Variants in MTDH observed in about 807,000 individuals in gnomAD.
MTDH encodes metadherin.
MTDH carries 34 observed loss-of-function variants against 72.7 expected under a neutral mutation model. The ratio of observed to expected loss-of-function variants is 0.47; its 90% CI spans 0.36 to 0.62. The LOEUF is 0.62. Among genes scored for constraint, MTDH ranks in the 20% least tolerant of loss-of-function variants. MTDH has a pLI of 0.00. For missense variants in MTDH, 677 were observed against 699.4 expected (o/e 0.97, Z 0.36); for synonymous variants, 266 against 268.9 (o/e 0.99, Z 0.10).
At chr8:97,696,258 C>CT (rs1362200165) in intron 6 of MTDH, 2 of 985,234 alleles carry the variant, frequency 2.0e-6, no homozygotes, top group African/African-American at 1.7e-5. Flanking sequence ...AATTCTGCTT[C>CT]TTTTGCATCT....
chr8:97,645,761 G>C (rs917793991), intron 1 of MTDH, among the ~76,000 whole-genome samples: 1 of 152,126 alleles, frequency 6.6e-6, no homozygotes, highest in Admixed American at 6.5e-5. Flanking sequence ...CATTCCCATG[G>C]TTCTCCCATT....
chr8:97,686,154 A>G (rs530973755), intron 2 of MTDH, among the ~76,000 whole-genome samples: 2 of 152,348 alleles, frequency 1.3e-5, no homozygotes, highest in East Asian at 1.9e-4. Context: ...GCTTTATGCA[A>G]TCCAAAAACT....
chr8:97,685,950 A>T (rs1361928243), intron 2 of MTDH, among the ~76,000 whole-genome samples: 1 of 152,192 alleles, frequency 6.6e-6, no homozygotes, highest in Non-Finnish European at 1.5e-5. Flanking sequence ...GAATAATATT[A>T]GGAGAAGGGA....
chr8:97,684,993 G>C (rs62521694), intron 2 of MTDH, among the ~76,000 whole-genome samples: 30,433 of 152,162 alleles, frequency 0.2, 3,319 homozygotes, highest in East Asian at 0.33. Flanking sequence ...TTGAACCTGG[G>C]AGGCAGAGGT....
chr8:97,667,850 A>G (rs1388878314), intron 2 of MTDH, among the ~76,000 whole-genome samples: 2 of 150,704 alleles, frequency 1.3e-5, no homozygotes, highest in African/African-American at 2.4e-5. Context: ...AAAAAAAAAA[A>G]GGAAGAAATT....
chr8:97,706,954 G>T (rs1252513078), intron 8 of MTDH, among the ~76,000 whole-genome samples: 2 of 151,984 alleles, frequency 1.3e-5, no homozygotes, highest in Non-Finnish European at 2.9e-5. Context: ...GAGAATTCTG[G>T]GTCACAGAGG....
Position 97,659,973 on chromosome 8 carries a change from A to G in MTDH, c.382-1099A>G, listed in dbSNP as rs1327542670. Among the ~76,000 whole-genome samples, 11 of 152,340 alleles carry G rather than the reference A, an allele frequency of 7.2e-5. No individual in the cohort carries two copies. The East Asian group carries it at 1.7e-3, about 24-fold the overall frequency. On this transcript the variant is annotated intron_variant, in intron 1 of 11. Transcript: ENST00000336273. ...CAGGAGTTCAAGACCAGCCAGACCAACATGGTGAAACCCTGTCTCTACTAA... is the reference window on the plus strand; with the variant it reads ...CAGGAGTTCAAGACCAGCCAGACCAGCATGGTGAAACCCTGTCTCTACTAA...
chr8:97,711,560 G>T (rs1051228916), intron 8 of MTDH, among the ~76,000 whole-genome samples: 1 of 151,954 alleles, frequency 6.6e-6, no homozygotes, highest in African/African-American at 2.4e-5. Context: ...GTTTTCCCCA[G>T]TGGTAACATG....
chr8:97,658,687 G>A (rs149149079), intron 1 of MTDH, among the ~76,000 whole-genome samples: 5 of 152,174 alleles, frequency 3.3e-5, no homozygotes, highest in South Asian at 2.1e-4. Flanking sequence ...TATAAGTTTT[G>A]TGAGTTGCCA....
intron 8 of MTDH, among the ~76,000 whole-genome samples, chr8:97,707,238 A>G (rs1330789463): frequency 1.4e-5 from 2 of 145,670 alleles, no homozygotes; most frequent in Admixed American, 7.1e-5. Context: ...TGCAACCTCT[A>G]CCTCCTGTGT....
chr8:97,716,065 C>G (rs1489923416), intron 9 of MTDH, among the ~76,000 whole-genome samples: 2 of 151,952 alleles, frequency 1.3e-5, no homozygotes, highest in Admixed American at 1.3e-4. Flanking sequence ...AAGTTCTATG[C>G]TGAGTACATA....
At chr8:97,720,752 C>G (rs1815088701) in intron 10 of MTDH, among the ~76,000 whole-genome samples, 1 of 149,632 alleles carries the variant, frequency 6.7e-6, no homozygotes, top group Non-Finnish European at 1.5e-5. Flanking sequence ...CTCCTGGGTT[C>G]AGGCGATTTT....
intron 2 of MTDH, among the ~76,000 whole-genome samples, chr8:97,681,596 C>T (rs749155612): frequency 4.1e-4 from 61 of 148,774 alleles, no homozygotes; most frequent in Middle Eastern, 3.6e-3. Context: ...CGGGTTCAAG[C>T]GATTCTTCTG....
intron 6 of MTDH, among the ~76,000 whole-genome samples, chr8:97,695,586 T>G (rs1813803291): frequency 6.6e-6 from 1 of 152,148 alleles, no homozygotes; most frequent in South Asian, 2.1e-4. Context: ...TTGTAATGGG[T>G]CACTGGAAAG....
intron 8 of MTDH, among the ~76,000 whole-genome samples, chr8:97,708,042 C>T (rs1307765655): frequency 6.6e-6 from 1 of 151,494 alleles, no homozygotes; most frequent in Non-Finnish European, 1.5e-5. Context: ...AATCTCAGCT[C>T]ACTGCAATCT....
rs746353005 is a variant in MTDH at position 97,719,143 on chromosome 8, C to T, written c.1475C>T (p.Thr492Ile). Residue 492 changes from threonine to isoleucine, a missense_variant, in exon 10 of 12, where the codon ACC (threonine) becomes ATC (isoleucine). Thr to Ile is a moderately conservative substitution (Grantham distance 89). Transcript: ENST00000336273. ...PKQEKAFSLKTISTSDPAEVL... is the reference protein window; with the variant it reads ...PKQEKAFSLKIISTSDPAEVL... ...CAGGAAAAAGCTTTTTCCTTGAAGA[C>T]CATAAGCACTAGTGATCCAGCCGAA... is the stretch of plus-strand genomic sequence containing the variant. 1.9e-6 allele frequency: 3 copies of T among 1,614,002 alleles called. No homozygotes were observed. The highest frequency in any genetic ancestry group is 2.5e-6 in the Non-Finnish European group (3 of 1,179,984).
chr8:97,709,419 T>A (rs1217790997), intron 8 of MTDH, among the ~76,000 whole-genome samples: 2 of 152,160 alleles, frequency 1.3e-5, no homozygotes, highest in African/African-American at 4.8e-5. Flanking sequence ...ATAGAACCCA[T>A]GAATGGAATA....
At chr8:97,679,955 C>T (rs929387236) in intron 2 of MTDH, among the ~76,000 whole-genome samples, 50 of 152,228 alleles carry the variant, frequency 3.3e-4, no homozygotes, top group Admixed American at 5.9e-4. Flanking sequence ...GGAACTTATT[C>T]GTCATAATTT....
intron 6 of MTDH, among the ~76,000 whole-genome samples, chr8:97,698,928 C>G (rs1047774875): frequency 9.9e-5 from 15 of 151,782 alleles, no homozygotes; most frequent in African/African-American, 3.6e-4. Context: ...CCCTGTAGAC[C>G]AGGAGTTCAG....
Sources: allele counts gnomAD v4.1 joint callset (sites outside exome capture counted in the v4.1 genomes callset), GRCh38; gene constraint gnomAD v4.1.1; transcripts MANE v1.5; gene names NCBI Gene and HGNC (gene_info 2026-07-23, HGNC 2026-07-21).